Variants in PIGO observed in about 807,000 individuals in gnomAD.
The protein encoded by PIGO is phosphatidylinositol glycan anchor biosynthesis class O.
In PIGO, 66 loss-of-function variants were observed where a neutral mutation model predicts 86.9. The observed-to-expected ratio is 0.76, with a 90% CI of 0.62 to 0.93. The LOEUF (loss-of-function observed/expected upper bound fraction) is 0.93, where lower values mean the gene tolerates loss of function less well. Ranked by LOEUF, PIGO falls within the 40% of genes least tolerant of loss-of-function variation. The probability of loss-of-function intolerance (pLI) is 0.00; values close to 1 mark genes in which losing one functional copy is unlikely to be tolerated. For missense variants in PIGO, 1,202 were observed against 1,359.1 expected (o/e 0.88, Z 1.82); for synonymous variants, 570 against 556.4 (o/e 1.02, Z -0.34).
At position 35,088,966 on chromosome 9, in the gene PIGO, C is replaced by T; in HGVS notation, c.*126G>A. On this transcript the variant is annotated 3_prime_UTR_variant, in exon 11 of 11. Transcript: ENST00000378617. ...ATAATGAAGTCCTAGATGTCAGCGG[C>T]CCCTGGCTGCATGATAGTAAGAGTA... The T allele has an allele frequency of 1.5e-6, 2 of 1,317,530 alleles. No individual in the cohort carries two copies. Among genetic ancestry groups the T allele is most frequent in the Non-Finnish European group, 1.0e-6 (1 of 956,386 alleles). The allele number at this position is 1,317,530 out of a possible 1,614,324, so 81.6% of individuals were successfully genotyped here. A position where few individuals can be genotyped will look rare whatever the true frequency, so the allele number is the denominator to read the frequency against.
chr9:35,092,465 GGATATTGCCCACTGA>G lies in PIGO; in HGVS notation c.1407_1421del (p.Gln470_Ser474del), dbSNP rs756923468. The stretch of plus-strand genomic sequence containing the variant: ...GTAGAGGGCAGAATGGAAAGCCTGG[GGATATTGCCCACTGA>G]GATGCCAGCAGGCAGATAAAGCAGG... On this transcript the variant is annotated inframe_deletion, in exon 7 of 11. Coordinates refer to ENST00000378617, the MANE Select transcript of PIGO (RefSeq NM_032634.4). 7.4e-6 allele frequency: 12 copies of G among 1,614,228 alleles called. No homozygotes were observed. The highest frequency in any genetic ancestry group is 1.6e-4 in the Middle Eastern group (1 of 6,062).
Position 35,095,309 on chromosome 9 carries a change from T to A in PIGO, c.257A>T (p.Gln86Leu), listed in dbSNP as rs112670103. The change falls in exon 2 of 11, where the codon CAG becomes CTG. Residue 86 changes from glutamine (Q) to leucine (L), a missense_variant. Physicochemically the swap from Gln to Leu is moderately radical, Grantham distance 113 (BLOSUM62 -2). Coordinates refer to ENST00000378617, the MANE Select transcript of PIGO (RefSeq NM_032634.4). ...AGGCTCTCTAGGCACGTGTGAATGC[T>A]GGGGCTGGGCGAAGTCAAATCGCAG... Reference protein sequence around the residue: ...DALRFDFAQPQHSHVPREPPV... With the variant: ...DALRFDFAQPLHSHVPREPPV... 1 of 1,614,024 alleles carries A rather than the reference T, an allele frequency of 6.2e-7. No homozygotes were observed. The highest frequency in any genetic ancestry group is 8.5e-7 in the Non-Finnish European group (1 of 1,180,016).
Position 35,095,523 on chromosome 9 carries a change from A to C in PIGO, c.43T>G (p.Phe15Val). ...SVLLFLAWVC[F>V]LFYAGIALFT... ...AGGGCAATGCCAGCGTAGAAGAGGA[A>C]GCAGACCCAGGCCAGGAAGAGCAAC... is the stretch of plus-strand genomic sequence containing the variant. The change falls in exon 2 of 11, where the codon TTC becomes GTC. Residue 15 changes from phenylalanine to valine, a missense_variant. Transcript: ENST00000378617. 6.2e-7 allele frequency: 1 copy of C among 1,603,436 alleles called. No individual in the cohort carries two copies. The highest frequency in any genetic ancestry group is 8.5e-7 in the Non-Finnish European group (1 of 1,174,226).
In PIGO at chr9:35,090,159, T is replaced by G; in HGVS notation, c.2976A>C (p.Pro992=). ...CATCCCGGAGCCGCATCTCCATCAG[T>G]GGCTCCTCTTCCTCCTCGGGTCTGA... ...ARVRPEEEEE[P]LMEMRLRDAP... Residue 992 remains proline (P), a synonymous_variant, in exon 9 of 11, where the codon CCA becomes CCC. Transcript: ENST00000378617. 6.2e-7 allele frequency: 1 copy of G among 1,614,230 alleles called. No individual in the cohort carries two copies. The highest frequency in any genetic ancestry group is 8.5e-7 in the Non-Finnish European group (1 of 1,180,044).
Position 35,094,351 on chromosome 9 carries a change from C to A in PIGO, c.520G>T (p.Val174Leu), listed in dbSNP as rs1829572618. 5.6e-6 allele frequency: 9 copies of A among 1,602,596 alleles called. No homozygotes were observed. The highest frequency in any genetic ancestry group is 6.8e-6 in the Non-Finnish European group (8 of 1,177,138). The change falls in exon 3 of 11, where the codon GTA (valine) becomes TTA (leucine). Residue 174 changes from valine to leucine, a missense_variant. Val to Leu is a conservative substitution (Grantham distance 32, BLOSUM62 1). Coordinates refer to ENST00000378617, the MANE Select transcript of PIGO (RefSeq NM_032634.4). ...IKQLTSAGRR[V>L]VFMGDDTWKD... ...CAGGTATCATCTCCCATGAAGACTA[C>A]ACGCCTTCCTGCAGGGACATGAAAG...
chr9:35,096,507 C>A lies in PIGO; in HGVS notation c.-354G>T, dbSNP rs895705658. 2 of 152,514 alleles carry A rather than the reference C, an allele frequency of 1.3e-5. No individual in the cohort carries two copies. Among genetic ancestry groups the A allele is most frequent in the East Asian group, 1.9e-4 (1 of 5,188 alleles). 9.4% of individuals were successfully genotyped at this position (152,514 alleles called of 1,614,324 possible). A position where few individuals can be genotyped will look rare whatever the true frequency, so the allele number is the denominator to read the frequency against. On this transcript the variant is annotated 5_prime_UTR_variant, in exon 1 of 11. Coordinates refer to ENST00000378617, the MANE Select transcript of PIGO (RefSeq NM_032634.4). ...TGAGGGGAAGAGGGAGACTCCCTTA[C>A]TTCAGGGTGAGGGGAATACCGGGGG...
rs1386442646 is a variant in PIGO, at chr9:35,090,034, C to T, written c.3069+32G>A. The T allele has an allele frequency of 3.8e-6, 6 of 1,592,190 alleles. No homozygotes were observed. The South Asian group carries it at 5.6e-5, about 15-fold the overall frequency. ...AAGTGATGCACACACAGAGAAAAAA[C>T]ACCAACTCCCTGATCTCTCTCCTAC... On this transcript the variant is annotated intron_variant, in intron 9 of 10. Transcript: ENST00000378617.
Position 35,091,425 on chromosome 9 carries a change from A to G in PIGO, c.2462T>C (p.Leu821Pro). Residue 821 changes from leucine to proline, a missense_variant, in exon 7 of 11, where the codon CTG becomes CCG. Coordinates refer to ENST00000378617, the MANE Select transcript of PIGO (RefSeq NM_032634.4). Reference sequence around the variant, plus strand: ...CCCCAACTGATAAGCAGCCACAGTCAGGGGACCCTGAGATTTGGTCCTCTC... The same window carrying G: ...CCCCAACTGATAAGCAGCCACAGTCGGGGGACCCTGAGATTTGGTCCTCTC... ...RLERTKSQGP[L>P]TVAAYQLGSV... The G allele has an allele frequency of 6.2e-7, 1 of 1,614,232 alleles. No homozygotes were observed. The highest frequency in any genetic ancestry group is 8.5e-7 in the Non-Finnish European group (1 of 1,180,032).
rs1587163497 is a variant in PIGO at position 35,091,686 on chromosome 9, A to G, written c.2201T>C (p.Val734Ala). The G allele has an allele frequency of 3.7e-6, 6 of 1,612,198 alleles. No individual in the cohort carries two copies. Among genetic ancestry groups the G allele is most frequent in the Non-Finnish European group, 3.4e-6 (4 of 1,179,954 alleles). ...CACCATGGATGCCCCAGAGACCAGG[A>G]CCCGGAGACGGGGGGGAGCCTCATC... Reference protein sequence around the residue: ...GADEAPPRLRVLVSGASMVLP... With the variant: ...GADEAPPRLRALVSGASMVLP... The change falls in exon 7 of 11, where the codon GTC becomes GCC. Residue 734 changes from valine to alanine, a missense_variant. Physicochemically the swap from Val to Ala is moderately conservative, Grantham distance 64 (BLOSUM62 0). Coordinates refer to ENST00000378617, the MANE Select transcript of PIGO (RefSeq NM_032634.4).
intron 7 of PIGO, 93 bp from the exon 8 acceptor site, chr9:35,090,765 T>C (rs1829382711): frequency 1.6e-6 from 2 of 1,232,118 alleles, no homozygotes; most frequent in Non-Finnish European, 2.3e-6. Flanking sequence ...TACTTCAGTA[T>C]CAATTCTCAT....
chr9:35,094,800 T>C (rs911336824), intron 2 of PIGO, among the ~76,000 whole-genome samples: 20 of 152,184 alleles, frequency 1.3e-4, no homozygotes, highest in African/African-American at 3.9e-4. Context: ...AGAAGCTTCA[T>C]AGGAACAAAG....
chr9:35,093,004 C>T (rs1399996572), intron 6 of PIGO, 26 bp downstream of exon 6: 2 of 1,593,020 alleles, frequency 1.3e-6, no homozygotes, highest in East Asian at 4.5e-5. Flanking sequence ...AGCTCTGTCA[C>T]CTGGAAACCC....
chr9:35,091,284 AG>A lies in PIGO; in HGVS notation c.2602del (p.Leu868PhefsTer71). Reference protein sequence around the residue: ...VFLLLFLQSFLLLHLLAAGIP... With the variant: ...VFLLLFLQSFXLLHLLAAGIP... ...CCCAGCAGCAAGCAGATGTAGGAGA[AG>A]GAAGCTCTGCAGAAACAGAAGCAGG... On this transcript the variant is annotated frameshift_variant, in exon 7 of 11. Transcript: ENST00000378617. LOFTEE classifies it high-confidence loss of function. 6.2e-7 allele frequency: 1 copy of A among 1,611,976 alleles called. No individual in the cohort carries two copies. The highest frequency in any genetic ancestry group is 8.5e-7 in the Non-Finnish European group (1 of 1,178,728).
In PIGO at chr9:35,092,296, C is replaced by T. The variant is rs1416430595; in HGVS notation, c.1591G>A (p.Ala531Thr). 6.2e-7 allele frequency: 1 copy of T among 1,614,208 alleles called. No homozygotes were observed. Among genetic ancestry groups the T allele is most frequent in the Non-Finnish European group, 8.5e-7 (1 of 1,180,036 alleles). ...SFLPFLWKAW[A>T]GWGSKRPLAT... The stretch of plus-strand genomic sequence containing the variant: ...AGGGGCCTCTTGGACCCCCAGCCAG[C>T]CCAGGCTTTCCACAGAAAAGGGAGG... Residue 531 changes from alanine (A) to threonine (T), a missense_variant, in exon 7 of 11, where the codon GCT becomes ACT. Coordinates refer to ENST00000378617, the MANE Select transcript of PIGO (RefSeq NM_032634.4).
In PIGO at chr9:35,093,957, A is replaced by G; in HGVS notation, c.723T>C (p.His241=). The part of the protein sequence containing the change: ...FLGVDHCGHK[H]GPHHPEMAKK... ...TGGCCATTTCAGGGTGGTGAGGGCC[A>G]TGCTTGTGGCCACAGTGGTCCACAC... The change falls in exon 4 of 11, where the codon CAT becomes CAC. Residue 241 remains histidine, a synonymous_variant. Transcript: ENST00000378617. 4 of 1,614,182 alleles carry G rather than the reference A, an allele frequency of 2.5e-6. No homozygotes were observed. Among genetic ancestry groups the G allele is most frequent in the Non-Finnish European group, 3.4e-6 (4 of 1,180,034 alleles).
At chr9:35,089,492 G>A (rs1829319735) in intron 9 of PIGO, 42 bp from the exon 10 acceptor site, 1 of 1,613,290 alleles carries the variant, frequency 6.2e-7, no homozygotes, top group African/African-American at 1.3e-5. Flanking sequence ...GTGAAGGAGA[G>A]GAGGAAGCGG....
At chr9:35,090,408 C>T (rs924481922) in intron 8 of PIGO, 58 bp downstream of exon 8, 2 of 1,561,028 alleles carry the variant, frequency 1.3e-6, no homozygotes, top group African/African-American at 1.4e-5. Context: ...CCAGGGGTTT[C>T]CTTTCTTTCC....
chr9:35,092,905 T>C, intron 6 of PIGO, 125 bp downstream of exon 6: 1 of 1,381,482 alleles, frequency 7.2e-7, no homozygotes, highest in Non-Finnish European at 9.8e-7. Context: ...AAGGGAGGGA[T>C]AACGGAAGAG....
At chr9:35,089,750 G>T in intron 9 of PIGO, 1 of 1,394,414 alleles carries the variant, frequency 7.2e-7, no homozygotes, top group Admixed American at 3.1e-5. Flanking sequence ...AAAGGAAGAG[G>T]ATCCATGACC....
Sources: gnomAD v4.1 joint callset for allele counts (sites outside exome capture counted in the v4.1 genomes callset) on GRCh38, gnomAD v4.1.1 for gene constraint, MANE v1.5 for transcripts, NCBI Gene and HGNC (gene_info 2026-07-23, HGNC 2026-07-21) for gene names.